The following CAMKK1 variants were observed in gnomAD, a reference collection of about 807,000 sequenced individuals.
The protein encoded by CAMKK1 is calcium/calmodulin dependent protein kinase kinase 1.
In CAMKK1, 20 loss-of-function variants were observed where a neutral mutation model predicts 63.5. The ratio of observed to expected loss-of-function variants is 0.32; its 90% CI spans 0.22 to 0.46. CAMKK1 has a LOEUF of 0.46. Ranked by LOEUF, CAMKK1 falls within the 20% of genes least tolerant of loss-of-function variation. The pLI is 1.00. For synonymous variants in CAMKK1, 253 were observed against 269.0 expected (o/e 0.94, Z 0.58); for missense variants, 588 against 658.1 (o/e 0.89, Z 1.17).
At chr17:3,872,452 T>A (rs1270531180) in intron 12 of CAMKK1, 102 bp downstream of exon 12, 14 of 925,514 alleles carry the variant, frequency 1.5e-5, no homozygotes, top group Non-Finnish European at 2.4e-5. Flanking sequence ...CACCTTCATA[T>A]CTGCAGGCTG....
rs898560426 is a variant in CAMKK1, at chr17:3,861,905, C to T, written c.*306G>A. On this transcript the variant is annotated 3_prime_UTR_variant, in exon 16 of 16. Transcript: ENST00000348335. ...GCCTCCTGCCCCAGGCCATGCCAAC[C>T]AGCCGGGTGGCATTTCTGAGGCTCC... The T allele has an allele frequency of 1.7e-5, 7 of 418,770 alleles. No homozygotes were observed. The highest frequency in any genetic ancestry group is 8.0e-5 in the African/African-American group (4 of 50,228). 25.9% of individuals were successfully genotyped at this position (418,770 alleles called of 1,614,324 possible).
chr17:3,891,399 G>A (rs1197112948), intron 1 of CAMKK1, among the ~76,000 whole-genome samples: 2 of 152,222 alleles, frequency 1.3e-5, no homozygotes, highest in Admixed American at 6.5e-5. Flanking sequence ...GCTGGGAGAT[G>A]CTGCTGATAC....
rs927358879 is a variant in CAMKK1 at position 3,892,671 on chromosome 17, G to A, written c.-44+268C>T. Among the ~76,000 whole-genome samples, 1 of 152,176 alleles carries A rather than the reference G, an allele frequency of 6.6e-6. No homozygotes were observed. Among genetic ancestry groups the A allele is most frequent in the African/African-American group, 2.4e-5 (1 of 41,444 alleles). On this transcript the variant is annotated intron_variant, in intron 1 of 15. Coordinates refer to ENST00000348335, the MANE Select transcript of CAMKK1 (RefSeq NM_032294.3). This position sits in a 1 kb window ranked among gnomAD's most constrained non-coding sequence, Gnocchi z 7.5. ...GCACCGGGGATGGATGCGGTCCGCA[G>A]ACAGAAGCGGGGAAGAACGCAGACG... is the stretch of plus-strand genomic sequence containing the variant.
Position 3,871,646 on chromosome 17 carries a change from G to A in CAMKK1, c.1124+908C>T, listed in dbSNP as rs377117748. On this transcript the variant is annotated intron_variant, in intron 12 of 15. Transcript: ENST00000348335. Reference sequence around the variant, plus strand: ...GCTGGAATTACAGGTGTGAGCCGCCGCACCCGGCCTTATTCAGTTTCTTTC... The same window carrying A: ...GCTGGAATTACAGGTGTGAGCCGCCACACCCGGCCTTATTCAGTTTCTTTC... Among the ~76,000 whole-genome samples, 528 of 146,804 alleles carry A rather than the reference G, an allele frequency of 3.6e-3. 12 individuals carry two copies. Among genetic ancestry groups the A allele is most frequent in the African/African-American group, 0.012 (457 of 38,870 alleles).
intron 14 of CAMKK1, among the ~76,000 whole-genome samples, chr17:3,868,130 CTCTGGGGGAGAAGCAGGCGCCGTCTA>C (rs2054632091): frequency 2.2e-5 from 1 of 45,194 alleles, no homozygotes; most frequent in Non-Finnish European, 3.9e-5. Context: ...GATACGTGGG[CTCTGGGGGAGAAGCAGGCGCCGTCTA>C]ACTGATACGT....
At chr17:3,881,267 G>A (rs2055399402) in intron 8 of CAMKK1, among the ~76,000 whole-genome samples, 1 of 152,208 alleles carries the variant, frequency 6.6e-6, no homozygotes, top group Non-Finnish European at 1.5e-5. Context: ...CAGACTTGTT[G>A]GAAAGCTGAA....
intron 15 of CAMKK1, among the ~76,000 whole-genome samples, chr17:3,864,482 G>GT: frequency 6.6e-6 from 1 of 150,542 alleles, no homozygotes; most frequent in East Asian, 2.0e-4. Flanking sequence ...TCCTGACCCT[G>GT]TGATCCACCC....
chr17:3,873,697 ACT>A (rs1261353454), intron 10 of CAMKK1, among the ~76,000 whole-genome samples: 2 of 151,734 alleles, frequency 1.3e-5, no homozygotes, highest in African/African-American at 2.4e-5. Context: ...CTTGGGAAAG[ACT>A]CTAACCAGGT....
chr17:3,861,879 T>G lies in CAMKK1; in HGVS notation c.*332A>C. On this transcript the variant is annotated 3_prime_UTR_variant, in exon 16 of 16. Transcript: ENST00000348335. ...ACCTGCCATCTTGGTCTCCTGCCTC[T>G]GCCTCCTGCCCCAGGCCATGCCAAC... The G allele has an allele frequency of 2.8e-6, 1 of 355,716 alleles. No individual in the cohort carries two copies. The highest frequency in any genetic ancestry group is 5.3e-6 in the Non-Finnish European group (1 of 189,108). 22.0% of individuals were successfully genotyped at this position (355,716 alleles called of 1,614,324 possible). A position where few individuals can be genotyped will look rare whatever the true frequency, so the allele number is the denominator to read the frequency against.
rs904881872 is a variant in CAMKK1, at chr17:3,873,349, C to T, written c.1050+60G>A. 52 of 1,481,900 alleles carry T rather than the reference C, an allele frequency of 3.5e-5. 1 individual carries two copies. Among genetic ancestry groups the T allele is most frequent in the South Asian group, 2.7e-4 (24 of 88,204 alleles). The allele number at this position is 1,481,900 out of a possible 1,614,324, so 91.8% of individuals were successfully genotyped here. Reference sequence around the variant, plus strand: ...AGGACAAAAAGGAAGAGCCTGCATCCGTCGCCCGTGCCCGCCTCACTGGAC... The same window carrying T: ...AGGACAAAAAGGAAGAGCCTGCATCTGTCGCCCGTGCCCGCCTCACTGGAC... On this transcript the variant is annotated intron_variant, in intron 11 of 15. Transcript: ENST00000348335.
rs891809546 is a variant in CAMKK1 at position 3,887,886 on chromosome 17, C to A, written c.-43-2156G>T. On this transcript the variant is annotated intron_variant, in intron 1 of 15. Transcript: ENST00000348335. This position sits in a 1 kb window ranked among gnomAD's most constrained non-coding sequence, Gnocchi z 6.1. ...ACCCCTCCGCCCCTTCCCCTCACTCCGCATGCCTTGTTTTTCCCTCCCGAA... is the reference window on the plus strand; with the variant it reads ...ACCCCTCCGCCCCTTCCCCTCACTCAGCATGCCTTGTTTTTCCCTCCCGAA... Among the ~76,000 whole-genome samples the A allele has an allele frequency of 2.6e-5, 4 of 152,162 alleles. No homozygotes were observed. Among genetic ancestry groups the A allele is most frequent in the African/African-American group, 9.7e-5 (4 of 41,428 alleles).
intron 1 of CAMKK1, among the ~76,000 whole-genome samples, chr17:3,888,358 C>T (rs537550537): frequency 3.3e-5 from 5 of 152,320 alleles, no homozygotes; most frequent in Non-Finnish European, 5.9e-5. Flanking sequence ...CCCAGCAAGT[C>T]GGGGCAGAAG....
intron 1 of CAMKK1, among the ~76,000 whole-genome samples, chr17:3,886,522 C>T (rs145833336): frequency 3.9e-5 from 6 of 152,238 alleles, no homozygotes; most frequent in African/African-American, 7.2e-5. Flanking sequence ...ATCCCATCTA[C>T]TCGGGAGGCT....
rs2143924403 is a variant in CAMKK1, at chr17:3,893,016, C to CT, written c.-122_-121insA. 3 of 149,696 alleles carry CT rather than the reference C, an allele frequency of 2.0e-5. 1 individual carries two copies. Among genetic ancestry groups the CT allele is most frequent in the African/African-American group, 7.3e-5 (3 of 41,184 alleles). 9.3% of individuals were successfully genotyped at this position (149,696 alleles called of 1,614,324 possible). ...TGCTGCGCGCCCCGCCCCGCCCCGC[C>CT]CCGCCCCACCGCCTCGCTGGGGCCC... On this transcript the variant is annotated 5_prime_UTR_variant, in exon 1 of 16. Transcript: ENST00000348335. The surrounding 1 kb of genome is among the most constrained non-coding windows in gnomAD (Gnocchi z 4.6).
At chr17:3,871,558 G>C (rs144056959) in intron 12 of CAMKK1, among the ~76,000 whole-genome samples, 2 of 147,184 alleles carry the variant, frequency 1.4e-5, no homozygotes, top group African/African-American at 5.1e-5. Flanking sequence ...GGGTTTCACC[G>C]TGTTAGCCAG....
rs545581335 is a variant in CAMKK1 at position 3,867,849 on chromosome 17, C to T, written c.1341+1638G>A. Among the ~76,000 whole-genome samples the T allele has an allele frequency of 5.3e-5, 8 of 152,258 alleles. No homozygotes were observed. In the East Asian group the frequency reaches 9.7e-4, roughly 18 times the overall value. On this transcript the variant is annotated intron_variant, in intron 14 of 15. Coordinates refer to ENST00000348335, the MANE Select transcript of CAMKK1 (RefSeq NM_032294.3). ...GGCTCTCAGTGGCCCCAGGTGGCCA[C>T]GGGGGACTATGTGAATCACTTCCAA... is the stretch of plus-strand genomic sequence containing the variant.
chr17:3,868,944 C>T (rs141830571), intron 14 of CAMKK1, among the ~76,000 whole-genome samples: 8,699 of 150,488 alleles, frequency 0.058, 410 homozygotes, highest in East Asian at 0.26. Flanking sequence ...TGAGCCACCG[C>T]GCCCGGTATT....
chr17:3,868,090 C>CAGGCGCAGTCTAACTGATACACAGGA (rs1567613071), intron 14 of CAMKK1, among the ~76,000 whole-genome samples: 5 of 45,074 alleles, frequency 1.1e-4, no homozygotes, highest in South Asian at 7.7e-4. Context: ...GATACGTGGG[C>CAGGCGCAGTCTAACTGATACACAGGA]TCTGGGGGAG....
intron 1 of CAMKK1, among the ~76,000 whole-genome samples, chr17:3,886,462 T>C (rs1250981401): frequency 6.6e-6 from 1 of 152,040 alleles, no homozygotes; most frequent in Non-Finnish European, 1.5e-5. Flanking sequence ...CAAAACTCTG[T>C]CTCTATTAAA....
Sources: gnomAD v4.1 joint callset for allele counts (sites outside exome capture counted in the v4.1 genomes callset) on GRCh38, gnomAD v4.1.1 for gene constraint, Gnocchi (gnomAD v3.1) non-coding constraint, MANE v1.5 for transcripts, NCBI Gene and HGNC (gene_info 2026-07-23, HGNC 2026-07-21) for gene names.